AUH: variants seen among roughly 807,000 people sequenced by gnomAD.
AUH encodes methylglutaconyl-CoA hydratase, mitochondrial.
Under a neutral mutation model 42.3 loss-of-function variants are expected in AUH, and 29 were observed. That is an observed-to-expected ratio of 0.69 (90% confidence interval 0.51 to 0.93). The LOEUF (loss-of-function observed/expected upper bound fraction) is 0.93. Among genes scored for constraint, AUH ranks in the 40% least tolerant of loss-of-function variants. The probability of loss-of-function intolerance (pLI) is 0.00; values close to 1 mark genes in which losing one functional copy is unlikely to be tolerated. For missense variants in AUH, 452 were observed against 438.1 expected (o/e 1.03, Z -0.28); for synonymous variants, 174 against 166.4 (o/e 1.05, Z -0.35).
At chr9:91,288,909 AT>A (rs1202628992) in intron 6 of AUH, among the ~76,000 whole-genome samples, 1 of 152,160 alleles carries the variant, frequency 6.6e-6, no homozygotes, top group African/African-American at 2.4e-5. Context: ...TTATAATAGC[AT>A]TTTTTTAATT....
Position 91,361,658 on chromosome 9 carries a change from G to C in AUH, c.232C>G (p.Arg78Gly). 6.3e-7 allele frequency: 1 copy of C among 1,582,706 alleles called. No homozygotes were observed. The change falls in exon 1 of 10, where the codon CGG becomes GGG. Residue 78 changes from arginine to glycine, a missense_variant. Arg to Gly is a moderately radical substitution (Grantham distance 125, BLOSUM62 -2). Coordinates refer to ENST00000375731, the MANE Select transcript of AUH (RefSeq NM_001698.3). ...TTCTCCTCCTCCAGGTGCCGCACCC[G>C]CAGCTCGTCCTCCGTCTTCATCTCA... ...SSEMKTEDEL[R>G]VRHLEEENRG...
intron 7 of AUH, 134 bp from the exon 8 acceptor site, chr9:91,217,461 A>T: frequency 1.1e-6 from 1 of 901,284 alleles, no homozygotes; most frequent in Non-Finnish European, 1.7e-6. Flanking sequence ...CTAGATGGAA[A>T]ATTTTCTGAG....
intron 4 of AUH, among the ~76,000 whole-genome samples, chr9:91,300,547 C>T (rs1827703581): frequency 6.6e-6 from 1 of 152,192 alleles, no homozygotes; most frequent in South Asian, 2.1e-4. Context: ...TGCAATCTGC[C>T]ACCCTTCTAT....
intron 4 of AUH, among the ~76,000 whole-genome samples, chr9:91,301,845 A>G (rs1284858677): frequency 6.6e-6 from 1 of 152,218 alleles, no homozygotes; most frequent in Non-Finnish European, 1.5e-5. Flanking sequence ...AAAATGGGAT[A>G]CTAATTCTCA....
At chr9:91,298,602 A>G (rs1026721417) in intron 4 of AUH, among the ~76,000 whole-genome samples, 1 of 152,242 alleles carries the variant, frequency 6.6e-6, no homozygotes, top group African/African-American at 2.4e-5. Flanking sequence ...GAGCCCTAAC[A>G]TTATGAATGG....
intron 6 of AUH, among the ~76,000 whole-genome samples, chr9:91,228,251 G>A (rs1252935184): frequency 2.0e-5 from 3 of 152,334 alleles, no homozygotes; most frequent in Middle Eastern, 3.4e-3. Flanking sequence ...GGTCTATTCA[G>A]AGATTCAACT....
At chr9:91,274,421 A>G (rs1319495839) in intron 6 of AUH, among the ~76,000 whole-genome samples, 1 of 152,228 alleles carries the variant, frequency 6.6e-6, no homozygotes, top group Admixed American at 6.5e-5. Flanking sequence ...GGAAGATGAC[A>G]GGATGTTATA....
intron 7 of AUH, among the ~76,000 whole-genome samples, chr9:91,220,485 T>G (rs1294605647): frequency 6.6e-6 from 1 of 152,226 alleles, no homozygotes; most frequent in African/African-American, 2.4e-5. Flanking sequence ...TGGCTATGGC[T>G]TCCATTAGAG....
At chr9:91,356,554 T>C (rs1270705502) in intron 1 of AUH, among the ~76,000 whole-genome samples, 1 of 152,206 alleles carries the variant, frequency 6.6e-6, no homozygotes, top group Non-Finnish European at 1.5e-5. Flanking sequence ...TTTTCAGTAA[T>C]TCTATCCCAA....
In AUH at chr9:91,214,431, A is replaced by G. The variant is rs778134028; in HGVS notation, c.943-6T>C. Reference sequence around the variant, plus strand: ...CTGTCTTTTGTTGGAATGGTCTAAGAAAAACAAAATATTAAATATGTCAAA... The same window carrying G: ...CTGTCTTTTGTTGGAATGGTCTAAGGAAAACAAAATATTAAATATGTCAAA... On this transcript the variant is annotated splice_region_variant and splice_polypyrimidine_tract_variant and intron_variant, in intron 9 of 9. Transcript: ENST00000375731. The G allele has an allele frequency of 3.0e-5, 48 of 1,596,728 alleles. No individual in the cohort carries two copies. The Admixed American group carries it at 8.1e-4, about 27-fold the overall frequency.
chr9:91,357,531 A>ACATTAATAATCATAGAAAT, intron 1 of AUH: 1 of 944,870 alleles, frequency 1.1e-6, no homozygotes, highest in African/African-American at 1.8e-5. Context: ...GGAAATACAA[A>ACATTAATAATCATAGAAAT]CATTAATAAT....
intron 4 of AUH, among the ~76,000 whole-genome samples, chr9:91,300,047 T>A (rs1239753051): frequency 6.6e-6 from 1 of 152,194 alleles, no homozygotes; most frequent in Non-Finnish European, 1.5e-5. Flanking sequence ...CTATAGCCAG[T>A]GGACAATATT....
chr9:91,329,574 C>G lies in AUH; in HGVS notation c.419-4170G>C, dbSNP rs569207933. ...GTGAAATGTCCATTCAAATCTTGCT[C>G]ATTTTTTTAAAATCAGGTAATTTGT... On this transcript the variant is annotated intron_variant, in intron 3 of 9. Transcript: ENST00000375731. Among the ~76,000 whole-genome samples, 4 of 152,242 alleles carry G rather than the reference C, an allele frequency of 2.6e-5. No homozygotes were observed. In the South Asian group the frequency reaches 8.3e-4, roughly 32 times the overall value.
chr9:91,220,965 A>G lies in AUH; in HGVS notation c.683T>C (p.Ile228Thr), dbSNP rs1340925616. ...GGGTQRLPRA[I>T]GMSLAKELIF... ...GAGCTCCTTGGCCAGGGACATTCCA[A>G]TGGCGCGTGGCAATCGCTGTGTCCC... The change falls in exon 7 of 10, where the codon ATT (isoleucine) becomes ACT (threonine). Residue 228 changes from isoleucine (I) to threonine (T), a missense_variant. Ile to Thr is a moderately conservative substitution (Grantham distance 89). Coordinates refer to ENST00000375731, the MANE Select transcript of AUH (RefSeq NM_001698.3). 1.2e-6 allele frequency: 2 copies of G among 1,614,208 alleles called. No individual in the cohort carries two copies. Among genetic ancestry groups the G allele is most frequent in the Non-Finnish European group, 1.7e-6 (2 of 1,180,042 alleles).
intron 6 of AUH, among the ~76,000 whole-genome samples, chr9:91,243,654 T>C (rs1324494399): frequency 1.3e-5 from 2 of 152,232 alleles, no homozygotes; most frequent in African/African-American, 2.4e-5. Context: ...GCACAGAACC[T>C]GTGCAGAGGG....
intron 4 of AUH, among the ~76,000 whole-genome samples, chr9:91,308,613 A>G (rs956160208): frequency 1.3e-5 from 2 of 152,204 alleles, no homozygotes. Context: ...TTAGGAAAAT[A>G]AAAAGTAAAA....
intron 6 of AUH, among the ~76,000 whole-genome samples, chr9:91,237,696 CTTAG>C (rs768983861): frequency 2.6e-5 from 4 of 152,130 alleles, no homozygotes; most frequent in African/African-American, 4.8e-5. Context: ...CCAGTGAGGA[CTTAG>C]TTAGATTGGC....
chr9:91,258,672 A>G (rs10991847), intron 6 of AUH, among the ~76,000 whole-genome samples: 10,903 of 152,298 alleles, frequency 0.072, 679 homozygotes, highest in East Asian at 0.26. Context: ...TTTCATCACT[A>G]AATATGCTAA....
intron 3 of AUH, among the ~76,000 whole-genome samples, chr9:91,345,884 T>C (rs1317863440): frequency 6.8e-6 from 1 of 146,730 alleles, no homozygotes; most frequent in Non-Finnish European, 1.5e-5. Flanking sequence ...CTCACACATA[T>C]ACTGTCAACT....
Sources: gnomAD v4.1 joint callset for allele counts (sites outside exome capture counted in the v4.1 genomes callset) on GRCh38, gnomAD v4.1.1 for gene constraint, MANE v1.5 for transcripts, NCBI Gene and HGNC (gene_info 2026-07-23, HGNC 2026-07-21) for gene names.